CSMD1: variants seen among roughly 807,000 people sequenced by gnomAD.
The protein encoded by CSMD1 is CUB and Sushi multiple domains 1, also known as CUB and sushi domain-containing protein 1.
In CSMD1, 213 loss-of-function variants were observed where a neutral mutation model predicts 417.5. That is an observed-to-expected ratio of 0.51 (90% CI 0.46 to 0.57). CSMD1 has a LOEUF of 0.57. Among genes scored for constraint, CSMD1 ranks in the 20% least tolerant of loss-of-function variants. The pLI, the probability that CSMD1 is intolerant of heterozygous loss-of-function variation, is 0.00. For synonymous variants in CSMD1, 2,862 were observed against 1,736.8 expected, an observed-to-expected ratio of 1.65 and a Z score of -16.11; for missense variants, 6,923 against 4,529.7, an observed-to-expected ratio of 1.53 and a Z score of -15.17.
intron 10 of CSMD1, among the ~76,000 whole-genome samples, chr8:3,527,467 G>A (rs1315948865): frequency 1.3e-5 from 2 of 152,140 alleles, no homozygotes; most frequent in Non-Finnish European, 2.9e-5. Flanking sequence ...GGCGAGGGTG[G>A]GATGTCACTA....
intron 2 of CSMD1, among the ~76,000 whole-genome samples, chr8:4,514,602 T>C (rs1175661790): frequency 1.3e-5 from 2 of 152,220 alleles, no homozygotes; most frequent in South Asian, 2.1e-4. Flanking sequence ...TCTACATTCC[T>C]GTATCTTGGT....
chr8:2,985,415 G>A (rs1219452410), intron 54 of CSMD1, among the ~76,000 whole-genome samples: 2 of 151,870 alleles, frequency 1.3e-5, no homozygotes, highest in African/African-American at 2.4e-5. Flanking sequence ...ACGTGAGGGA[G>A]GAGACTGGTG....
At chr8:4,302,863 C>A (rs190919532) in intron 3 of CSMD1, among the ~76,000 whole-genome samples, 24 of 152,168 alleles carry the variant, frequency 1.6e-4, no homozygotes, top group Admixed American at 1.6e-3. Context: ...CAGGCAGGAC[C>A]AGCAGTTTAA....
intron 1 of CSMD1, among the ~76,000 whole-genome samples, chr8:4,711,569 T>C (rs562561713): frequency 7.2e-5 from 11 of 152,054 alleles, no homozygotes; most frequent in Non-Finnish European, 1.3e-4. Flanking sequence ...ACAGAGAAAT[T>C]TGAAAAAAAA....
intron 26 of CSMD1, among the ~76,000 whole-genome samples, chr8:3,240,166 C>T (rs561077574): frequency 2.6e-5 from 4 of 151,994 alleles, no homozygotes; most frequent in African/African-American, 4.8e-5. Flanking sequence ...CGGTGCGGTC[C>T]CGGTTCTTGT....
intron 50 of CSMD1, among the ~76,000 whole-genome samples, chr8:3,034,940 G>C (rs1488327105): frequency 6.6e-6 from 1 of 152,168 alleles, no homozygotes; most frequent in Non-Finnish European, 1.5e-5. Context: ...GAAAGGGAAG[G>C]AGGGCCTCGG....
chr8:3,186,481 T>A (rs1301206181), intron 36 of CSMD1, among the ~76,000 whole-genome samples: 1 of 152,188 alleles, frequency 6.6e-6, no homozygotes, highest in East Asian at 1.9e-4. Flanking sequence ...CCCAACACCT[T>A]AAATGGCCAT....
At chr8:3,828,807 A>G (rs1335561656) in intron 5 of CSMD1, among the ~76,000 whole-genome samples, 1 of 152,066 alleles carries the variant, frequency 6.6e-6, no homozygotes, top group Non-Finnish European at 1.5e-5. Flanking sequence ...ACCTCAAGTT[A>G]CAGCCTCATG....
At chr8:3,355,627 G>A (rs1808729868) in intron 21 of CSMD1, among the ~76,000 whole-genome samples, 1 of 152,148 alleles carries the variant, frequency 6.6e-6, no homozygotes, top group Non-Finnish European at 1.5e-5. Flanking sequence ...CACTGTATGT[G>A]ATGATATGAG....
intron 5 of CSMD1, among the ~76,000 whole-genome samples, chr8:3,757,670 A>G (rs1256611521): frequency 6.6e-6 from 1 of 151,932 alleles, no homozygotes; most frequent in Non-Finnish European, 1.5e-5. Context: ...CAAGACAAGC[A>G]TGGCCAACAT....
intron 1 of CSMD1, among the ~76,000 whole-genome samples, chr8:4,992,195 C>G (rs1055957570): frequency 9.9e-5 from 15 of 152,154 alleles, no homozygotes; most frequent in Non-Finnish European, 1.5e-5. Flanking sequence ...CAGAGCAGCC[C>G]CCGCCCACTA....
intron 48 of CSMD1, among the ~76,000 whole-genome samples, chr8:3,090,429 T>C (rs144772642): frequency 0.021 from 3,249 of 151,678 alleles, 52 homozygotes; most frequent in South Asian, 0.031. Context: ...AAGGTCTGAG[T>C]ATATTTTATT....
At chr8:3,705,032 C>G (rs1040967893) in intron 7 of CSMD1, among the ~76,000 whole-genome samples, 3 of 152,184 alleles carry the variant, frequency 2.0e-5, no homozygotes, top group Non-Finnish European at 2.9e-5. Flanking sequence ...TGAACATTTT[C>G]TATCACCATG....
intron 10 of CSMD1, among the ~76,000 whole-genome samples, chr8:3,538,804 A>T (rs1414269429): frequency 6.6e-6 from 1 of 152,172 alleles, no homozygotes; most frequent in Non-Finnish European, 1.5e-5. Flanking sequence ...TTGCACCAAG[A>T]GCCTGGTGGA....
chr8:4,645,509 T>C (rs891693973), intron 1 of CSMD1, among the ~76,000 whole-genome samples: 1 of 71,780 alleles, frequency 1.4e-5, no homozygotes, highest in Admixed American at 1.9e-4. Context: ...AAATCTAAAA[T>C]ATGATTAATT....
At chr8:3,418,856 G>A (rs1382248409) in intron 12 of CSMD1, among the ~76,000 whole-genome samples, 4 of 152,130 alleles carry the variant, frequency 2.6e-5, no homozygotes, top group South Asian at 2.1e-4. Context: ...TAATATTATA[G>A]ATTTCTTTTA....
At chr8:4,626,525 C>A (rs1802124306) in intron 2 of CSMD1, among the ~76,000 whole-genome samples, 2 of 152,044 alleles carry the variant, frequency 1.3e-5, no homozygotes, top group Non-Finnish European at 2.9e-5. Flanking sequence ...AGAAAGTTAT[C>A]TGATCTTAAA....
chr8:2,970,256 C>T (rs1804330970), intron 57 of CSMD1, among the ~76,000 whole-genome samples: 1 of 152,112 alleles, frequency 6.6e-6, no homozygotes, highest in Non-Finnish European at 1.5e-5. Context: ...AAAACATTGC[C>T]CACCCTCAAC....
chr8:3,273,650 T>A (rs1802044452), intron 26 of CSMD1, among the ~76,000 whole-genome samples: 1 of 152,212 alleles, frequency 6.6e-6, no homozygotes, highest in African/African-American at 2.4e-5. Flanking sequence ...TTCTTCCTGG[T>A]TTAGTCTTGG....
Sources: allele counts gnomAD v4.1 joint callset (sites outside exome capture counted in the v4.1 genomes callset), GRCh38; gene constraint gnomAD v4.1.1; transcripts MANE v1.5; gene names NCBI Gene and HGNC (gene_info 2026-07-23, HGNC 2026-07-21).